Variants in CDH4 observed in about 807,000 individuals in gnomAD.
CDH4 encodes cadherin-4.
In CDH4, 33 loss-of-function variants were observed where a neutral mutation model predicts 86.0. That is an observed-to-expected ratio of 0.38 (90% CI 0.29 to 0.51). The LOEUF is 0.51. Ranked by LOEUF, CDH4 falls within the 20% of genes least tolerant of loss-of-function variation. The pLI is 0.86. For synonymous variants in CDH4, 555 were observed against 549.4 expected (o/e 1.01, Z -0.14); for missense variants, 1,114 against 1,307.4 (o/e 0.85, Z 2.28).
At chr20:61,859,540 T>C (rs141143631) in intron 6 of CDH4, among the ~76,000 whole-genome samples, 16 of 152,348 alleles carry the variant, frequency 1.1e-4, no homozygotes, top group African/African-American at 3.6e-4. Context: ...TTACGTTAGG[T>C]CCATGATTCA....
At chr20:61,315,113 C>T (rs2084469171) in intron 2 of CDH4, among the ~76,000 whole-genome samples, 1 of 152,202 alleles carries the variant, frequency 6.6e-6, no homozygotes, top group Non-Finnish European at 1.5e-5. Flanking sequence ...CAGACTCCTC[C>T]TCCTTGGGCT....
chr20:61,923,749 G>A (rs748277771), intron 10 of CDH4, 45 bp downstream of exon 10: 3 of 1,597,902 alleles, frequency 1.9e-6, no homozygotes, highest in African/African-American at 1.3e-5. Context: ...AGCTTCCCAG[G>A]TTCCATACAG....
At chr20:61,849,405 A>G (rs1982609214) in intron 5 of CDH4, among the ~76,000 whole-genome samples, 1 of 152,170 alleles carries the variant, frequency 6.6e-6, no homozygotes, top group African/African-American at 2.4e-5. Flanking sequence ...GGCTGAAACA[A>G]CGCCCTATGA....
At chr20:61,294,651 C>T (rs1199756003) in intron 2 of CDH4, among the ~76,000 whole-genome samples, 1 of 152,186 alleles carries the variant, frequency 6.6e-6, no homozygotes, top group Non-Finnish European at 1.5e-5. Flanking sequence ...TGGCCTGTGT[C>T]GCTACACGCA....
intron 2 of CDH4, among the ~76,000 whole-genome samples, chr20:61,366,450 G>C (rs28636535): frequency 0.015 from 2,274 of 152,316 alleles, 65 homozygotes; most frequent in African/African-American, 0.052. Context: ...GAAATATAGA[G>C]GTGTGAAGTG....
intron 2 of CDH4, among the ~76,000 whole-genome samples, chr20:61,647,399 A>G (rs1173552382): frequency 6.6e-6 from 1 of 152,190 alleles, no homozygotes; most frequent in African/African-American, 2.4e-5. Context: ...TAAAAAGCCA[A>G]AGGGGTGATT....
At chr20:61,643,010 T>C (rs1161479744) in intron 2 of CDH4, among the ~76,000 whole-genome samples, 5 of 152,334 alleles carry the variant, frequency 3.3e-5, no homozygotes, top group African/African-American at 9.6e-5. Context: ...ATGTGCAAAG[T>C]CCTAGTTGCT....
chr20:61,316,070 C>A (rs1244901932), intron 2 of CDH4, among the ~76,000 whole-genome samples: 1 of 152,094 alleles, frequency 6.6e-6, no homozygotes, highest in African/African-American at 2.4e-5. Flanking sequence ...TGGCAGCTTC[C>A]CTTTGAAGAC....
intron 2 of CDH4, among the ~76,000 whole-genome samples, chr20:61,337,238 G>A (rs183028975): frequency 0.069 from 353 of 5,116 alleles, 6 homozygotes; most frequent in Admixed American, 0.26. Flanking sequence ...GTTAGGCAAT[G>A]GTGGTGGTGA....
At chr20:61,354,603 C>T (rs537219455) in intron 2 of CDH4, among the ~76,000 whole-genome samples, 2 of 152,382 alleles carry the variant, frequency 1.3e-5, no homozygotes, top group African/African-American at 4.8e-5. Flanking sequence ...GTCCTGACCC[C>T]TCCCTGTGGC....
intron 2 of CDH4, among the ~76,000 whole-genome samples, chr20:61,272,546 CTT>C (rs1007598507): frequency 6.6e-6 from 1 of 152,164 alleles, no homozygotes; most frequent in Non-Finnish European, 1.5e-5. Context: ...TGGGTCAAAA[CTT>C]TTGTTGCTGG....
At chr20:61,279,825 C>T (rs749523571) in intron 2 of CDH4, among the ~76,000 whole-genome samples, 13 of 152,160 alleles carry the variant, frequency 8.5e-5, no homozygotes, top group Non-Finnish European at 1.5e-4. Context: ...TGCTGCCTGC[C>T]GGCTGGGGCT....
intron 4 of CDH4, among the ~76,000 whole-genome samples, chr20:61,785,170 A>T (rs1290033461): frequency 1.3e-5 from 2 of 152,084 alleles, no homozygotes; most frequent in African/African-American, 4.8e-5. Flanking sequence ...CTCTGCCACG[A>T]TAGGACCCCC....
intron 2 of CDH4, among the ~76,000 whole-genome samples, chr20:61,459,503 C>G (rs956186933): frequency 1.4e-5 from 2 of 145,130 alleles, no homozygotes; most frequent in African/African-American, 2.5e-5. Context: ...GGCCATTCAC[C>G]AAGCTCTCGG....
chr20:61,277,952 C>T (rs2084239400), intron 2 of CDH4, among the ~76,000 whole-genome samples: 1 of 152,200 alleles, frequency 6.6e-6, no homozygotes, highest in African/African-American at 2.4e-5. Context: ...CCTAATGGGC[C>T]CTCACATCTC....
At chr20:61,258,195 T>C (rs1281478230) in intron 2 of CDH4, among the ~76,000 whole-genome samples, 1 of 151,454 alleles carries the variant, frequency 6.6e-6, no homozygotes, top group African/African-American at 2.4e-5. Context: ...CCGGGCGCGG[T>C]GGCGGGAGCC....
intron 2 of CDH4, among the ~76,000 whole-genome samples, chr20:61,338,608 T>G (rs1350869992): frequency 6.6e-6 from 1 of 152,100 alleles, no homozygotes; most frequent in Non-Finnish European, 1.5e-5. Context: ...GTTCATGGAG[T>G]CTTCCCTGAC....
Position 61,555,662 on chromosome 20 carries a change from A to G in CDH4, c.170-187901A>G, listed in dbSNP as rs760425430. Among the ~76,000 whole-genome samples, 60 of 152,370 alleles carry G rather than the reference A, an allele frequency of 3.9e-4. 1 individual carries two copies. Among genetic ancestry groups the G allele is most frequent in the Middle Eastern group, 3.4e-3 (1 of 294 alleles). Reference sequence around the variant, plus strand: ...ATCACACCCTTTATTCGACAACTCCACATAAATAGCGATTCCATTTGGAAT... The same window carrying G: ...ATCACACCCTTTATTCGACAACTCCGCATAAATAGCGATTCCATTTGGAAT... On this transcript the variant is annotated intron_variant, in intron 2 of 15. Coordinates refer to ENST00000614565, the MANE Select transcript of CDH4 (RefSeq NM_001794.5).
At chr20:61,283,007 C>T (rs1199744769) in intron 2 of CDH4, among the ~76,000 whole-genome samples, 1 of 28,628 alleles carries the variant, frequency 3.5e-5, no homozygotes, top group Non-Finnish European at 7.1e-5. Flanking sequence ...TGCGTTTGCA[C>T]GCGCGTGCTG....
Sources: gnomAD v4.1 joint callset for allele counts (sites outside exome capture counted in the v4.1 genomes callset) on GRCh38, gnomAD v4.1.1 for gene constraint, MANE v1.5 for transcripts, NCBI Gene and HGNC (gene_info 2026-07-23, HGNC 2026-07-21) for gene names.